CHST9: variants seen among roughly 807,000 people sequenced by gnomAD.
CHST9 encodes GalNAc-4-sulfotransferase 2.
In CHST9, 41 loss-of-function variants were observed where a neutral mutation model predicts 44.4. The ratio of observed to expected loss-of-function variants is 0.92; its 90% CI spans 0.72 to 1.20. The LOEUF (loss-of-function observed/expected upper bound fraction) is 1.20, where lower values mean the gene tolerates loss of function less well. Ranked by LOEUF, CHST9 falls within the 50% of genes most tolerant of loss-of-function variation. CHST9 has a pLI of 0.00. For synonymous variants in CHST9, 171 were observed against 178.4 expected (o/e 0.96, Z 0.33); for missense variants, 504 against 516.5 (o/e 0.98, Z 0.23).
At chr18:27,050,993 A>G (rs2057560092) in intron 2 of CHST9, among the ~76,000 whole-genome samples, 1 of 152,208 alleles carries the variant, frequency 6.6e-6, no homozygotes, top group Non-Finnish European at 1.5e-5. Flanking sequence ...GGTATCCCAA[A>G]TGATTCCCAT....
intron 1 of CHST9, among the ~76,000 whole-genome samples, chr18:27,153,143 G>A (rs1436162440): frequency 6.6e-6 from 1 of 152,104 alleles, no homozygotes; most frequent in East Asian, 1.9e-4. Flanking sequence ...AGTTTAGAAT[G>A]GATTGCCCCC....
At chr18:26,967,077 C>T (rs114648959) in intron 4 of CHST9, among the ~76,000 whole-genome samples, 261 of 152,108 alleles carry the variant, frequency 1.7e-3, no homozygotes, top group African/African-American at 6.1e-3. Flanking sequence ...GGGCTTTATT[C>T]TTCCTTTTGT....
rs192845034 is a variant in CHST9, at chr18:27,182,151, A to G, written c.-97+2985T>C. ...TTTCTCATTAACATGAATAATTCAG[A>G]GTATTTACTATACATGGTGAAACTG... is the stretch of plus-strand genomic sequence containing the variant. On this transcript the variant is annotated intron_variant, in intron 1 of 5. Coordinates refer to ENST00000618847, the MANE Select transcript of CHST9 (RefSeq NM_031422.6). 1.3e-3 allele frequency among the ~76,000 whole-genome samples: 200 copies of G among 152,262 alleles called. No homozygotes were observed. The Middle Eastern group carries it at 0.017, about 13-fold the overall frequency.
intron 2 of CHST9, among the ~76,000 whole-genome samples, chr18:27,119,426 A>G (rs1201625069): frequency 6.6e-6 from 1 of 152,154 alleles, no homozygotes; most frequent in Admixed American, 6.5e-5. Flanking sequence ...TAGCTAGGTA[A>G]TATTAAAAGT....
At chr18:27,122,515 C>T (rs902485057) in intron 2 of CHST9, among the ~76,000 whole-genome samples, 5 of 152,138 alleles carry the variant, frequency 3.3e-5, no homozygotes, top group Admixed American at 2.6e-4. Flanking sequence ...TACATAATTA[C>T]GCTAGTTTCA....
intron 2 of CHST9, among the ~76,000 whole-genome samples, chr18:27,085,596 T>C (rs981993119): frequency 3.9e-5 from 6 of 151,986 alleles, no homozygotes; most frequent in Non-Finnish European, 8.8e-5. Context: ...CCAGAATAGC[T>C]ATTACCAAAA....
intron 1 of CHST9, among the ~76,000 whole-genome samples, chr18:27,170,708 A>G (rs1009052184): frequency 2.6e-5 from 4 of 152,066 alleles, no homozygotes; most frequent in African/African-American, 9.7e-5. Flanking sequence ...CCTTTTTTTG[A>G]AAAAAAGAAA....
chr18:26,992,985 A>C (rs2056842285), intron 4 of CHST9, among the ~76,000 whole-genome samples: 1 of 152,144 alleles, frequency 6.6e-6, no homozygotes, highest in Non-Finnish European at 1.5e-5. Context: ...AGACACCCTA[A>C]ATGCAGCTCA....
At chr18:27,184,563 C>T (rs1419241451) in intron 1 of CHST9, among the ~76,000 whole-genome samples, 2 of 152,122 alleles carry the variant, frequency 1.3e-5, no homozygotes, top group South Asian at 2.1e-4. Flanking sequence ...CCTCCCGGTC[C>T]CCCTAACTTC....
At chr18:27,181,934 CA>C (rs2058915629) in intron 1 of CHST9, among the ~76,000 whole-genome samples, 1 of 152,180 alleles carries the variant, frequency 6.6e-6, no homozygotes, top group Admixed American at 6.5e-5. Flanking sequence ...CACCTCCCCA[CA>C]AATGGGTTTT....
chr18:26,992,860 GT>G, intron 4 of CHST9, among the ~76,000 whole-genome samples: 1 of 152,332 alleles, frequency 6.6e-6, no homozygotes, highest in Admixed American at 6.5e-5. Flanking sequence ...TGAGTTTAAA[GT>G]GGGCATTTTT....
chr18:27,142,648 T>C, intron 2 of CHST9, 41 bp downstream of exon 2: 1 of 1,423,340 alleles, frequency 7.0e-7, no homozygotes, highest in Non-Finnish European at 9.5e-7. Flanking sequence ...AAATAGCTAT[T>C]ATTGTTACAA....
At chr18:26,978,558 C>T (rs963711177) in intron 4 of CHST9, among the ~76,000 whole-genome samples, 4 of 152,046 alleles carry the variant, frequency 2.6e-5, no homozygotes, top group Admixed American at 6.6e-5. Flanking sequence ...TTTTTGTTAG[C>T]GAAGACAGAA....
At chr18:27,178,588 C>A (rs999942548) in intron 1 of CHST9, among the ~76,000 whole-genome samples, 1 of 151,984 alleles carries the variant, frequency 6.6e-6, no homozygotes, top group African/African-American at 2.4e-5. Flanking sequence ...GGATCCTACA[C>A]CCTCCTGTAT....
chr18:27,063,148 C>A (rs1231112554), intron 2 of CHST9, among the ~76,000 whole-genome samples: 1 of 152,140 alleles, frequency 6.6e-6, no homozygotes, highest in Non-Finnish European at 1.5e-5. Flanking sequence ...ATATTTTGTC[C>A]ATAGCTTGTA....
chr18:27,033,685 T>C (rs2057363747), intron 3 of CHST9, among the ~76,000 whole-genome samples: 1 of 152,232 alleles, frequency 6.6e-6, no homozygotes, highest in African/African-American at 2.4e-5. Context: ...GGTAATCTCA[T>C]TCATTTTGTT....
At chr18:27,052,050 C>CT (rs541181552) in intron 2 of CHST9, among the ~76,000 whole-genome samples, 6 of 151,782 alleles carry the variant, frequency 4.0e-5, no homozygotes, top group African/African-American at 1.5e-4. Flanking sequence ...AAAGGTGCAA[C>CT]TTTTTTTTAT....
At chr18:27,146,586 G>A (rs903548213) in intron 1 of CHST9, among the ~76,000 whole-genome samples, 1 of 152,160 alleles carries the variant, frequency 6.6e-6, no homozygotes, top group African/African-American at 2.4e-5. Flanking sequence ...TTATGTACGA[G>A]CATTATACAT....
At chr18:26,971,483 T>C (rs2056541777) in intron 4 of CHST9, among the ~76,000 whole-genome samples, 1 of 152,218 alleles carries the variant, frequency 6.6e-6, no homozygotes, top group Non-Finnish European at 1.5e-5. Flanking sequence ...TAACAAACAA[T>C]TGCCAAGTCA....
Sources: allele counts gnomAD v4.1 joint callset (sites outside exome capture counted in the v4.1 genomes callset), GRCh38; gene constraint gnomAD v4.1.1; transcripts MANE v1.5; gene names NCBI Gene and HGNC (gene_info 2026-07-23, HGNC 2026-07-21).